The following SLC25A26 variants were observed in gnomAD, a reference collection of about 807,000 sequenced individuals.
The protein encoded by SLC25A26 is solute carrier family 25 member 26.
In SLC25A26, 36 loss-of-function variants were observed where a neutral mutation model predicts 37.8. That is an observed-to-expected ratio of 0.95 (90% CI 0.73 to 1.26). The LOEUF (loss-of-function observed/expected upper bound fraction) is 1.26, where lower values mean the gene tolerates loss of function less well. Among genes scored for constraint, SLC25A26 ranks in the 50% most tolerant of loss-of-function variants. The probability of loss-of-function intolerance (pLI) is 0.00; values close to 1 mark genes in which losing one functional copy is unlikely to be tolerated. For synonymous variants in SLC25A26, 129 were observed against 122.5 expected (o/e 1.05, Z -0.35); for missense variants, 390 against 331.1 (o/e 1.18, Z -1.38).
intron 1 of SLC25A26, among the ~76,000 whole-genome samples, chr3:66,137,217 C>CTTTT (rs528438794): frequency 1.5e-3 from 174 of 118,756 alleles, no homozygotes; most frequent in Non-Finnish European, 1.8e-3. Context: ...GATTTTCTTT[C>CTTTT]TTTTTTTTTT....
chr3:66,169,108 G>A (rs980476379), intron 1 of SLC25A26, among the ~76,000 whole-genome samples: 17 of 152,186 alleles, frequency 1.1e-4, no homozygotes, highest in Non-Finnish European at 1.2e-4. Flanking sequence ...CTGGGTGACA[G>A]AGCAAGACCC....
chr3:66,149,257 T>A (rs2070164991), intron 1 of SLC25A26, among the ~76,000 whole-genome samples: 1 of 151,816 alleles, frequency 6.6e-6, no homozygotes, highest in African/African-American at 2.4e-5. Flanking sequence ...GGAGCTGGAG[T>A]TAGGCAGCTT....
At position 66,363,082 on chromosome 3, in the gene SLC25A26, G is replaced by GA. The variant is rs75455775; in HGVS notation, c.568+168dup. 0.065 allele frequency: 8,336 copies of GA among 127,746 alleles called. 263 individuals are homozygous for GA. Among genetic ancestry groups the GA allele is most frequent in the South Asian group, 0.1 (403 of 4,040 alleles). 7.9% of individuals were successfully genotyped at this position (127,746 alleles called of 1,614,324 possible). A position where few individuals can be genotyped will look rare whatever the true frequency, so the allele number is the denominator to read the frequency against. On this transcript the variant is annotated intron_variant, in intron 7 of 9. Coordinates refer to ENST00000354883, the MANE Select transcript of SLC25A26 (RefSeq NM_001379210.1). ...TGAGAAAAGAACGTGTCTTAGAGGG[G>GA]AAAAAAAAAAAAAAACTGCTAAAAA...
intron 5 of SLC25A26, among the ~76,000 whole-genome samples, chr3:66,294,914 A>G (rs146495393): frequency 6.0e-4 from 91 of 152,338 alleles, no homozygotes; most frequent in African/African-American, 2.1e-3. Context: ...CATTTAAAAG[A>G]TCTCAAATGA....
chr3:66,273,614 CAGAG>C (rs576114328), intron 5 of SLC25A26, among the ~76,000 whole-genome samples: 73 of 151,774 alleles, frequency 4.8e-4, no homozygotes, highest in Non-Finnish European at 9.7e-4. Flanking sequence ...CAATAATAGA[CAGAG>C]AGCCAAATCA....
intron 5 of SLC25A26, among the ~76,000 whole-genome samples, chr3:66,275,128 A>G (rs2074093732): frequency 6.6e-6 from 1 of 151,950 alleles, no homozygotes; most frequent in East Asian, 1.9e-4. Context: ...GGAAATCATC[A>G]TTCTCAGTAA....
intron 7 of SLC25A26, among the ~76,000 whole-genome samples, chr3:66,365,745 A>T (rs923248824): frequency 1.3e-5 from 2 of 152,238 alleles, no homozygotes; most frequent in African/African-American, 4.8e-5. Context: ...AATACAAACA[A>T]AAAACACTTT....
intron 1 of SLC25A26, among the ~76,000 whole-genome samples, chr3:66,147,165 T>G (rs1201730748): frequency 7.2e-6 from 1 of 138,724 alleles, no homozygotes; most frequent in Admixed American, 7.4e-5. Context: ...TCTTTTCTTT[T>G]CTCTTTTCTT....
chr3:66,279,912 C>A (rs2074280528), intron 5 of SLC25A26, among the ~76,000 whole-genome samples: 1 of 152,076 alleles, frequency 6.6e-6, no homozygotes. Context: ...CACTTCGGGA[C>A]AAAATTTATT....
At chr3:66,209,008 G>A (rs1455778882) in intron 1 of SLC25A26, among the ~76,000 whole-genome samples, 1 of 63,260 alleles carries the variant, frequency 1.6e-5, no homozygotes, top group African/African-American at 6.5e-5. Flanking sequence ...CCATATAAAG[G>A]TATATATATA....
intron 1 of SLC25A26, among the ~76,000 whole-genome samples, chr3:66,194,121 A>G: frequency 6.6e-6 from 1 of 152,256 alleles, no homozygotes; most frequent in Non-Finnish European, 1.5e-5. Context: ...CCAGTGACAC[A>G]TCCTGATAAA....
intron 5 of SLC25A26, among the ~76,000 whole-genome samples, chr3:66,288,558 T>C (rs893035943): frequency 6.6e-6 from 1 of 152,158 alleles, no homozygotes. Context: ...CTCCCACTTA[T>C]GAGTGGGAAC....
chr3:66,322,710 C>G (rs2075728772), intron 5 of SLC25A26, among the ~76,000 whole-genome samples: 1 of 152,180 alleles, frequency 6.6e-6, no homozygotes, highest in South Asian at 2.1e-4. Context: ...GTACATATGC[C>G]ATGGCTTCAA....
intron 5 of SLC25A26, among the ~76,000 whole-genome samples, chr3:66,284,197 A>G (rs55666752): frequency 0.05 from 7,632 of 152,022 alleles, 232 homozygotes; most frequent in South Asian, 0.074. Context: ...AAATTTTTAA[A>G]AAATTGCTGC....
chr3:66,222,583 A>C (rs961508529), intron 1 of SLC25A26, among the ~76,000 whole-genome samples: 1 of 152,142 alleles, frequency 6.6e-6, no homozygotes, highest in Non-Finnish European at 1.5e-5. Context: ...AGCTCTTTAC[A>C]TACATTATCC....
At chr3:66,371,205 C>T in intron 9 of SLC25A26, 2 of 1,513,596 alleles carry the variant, frequency 1.3e-6, no homozygotes, top group African/African-American at 1.4e-5. Context: ...CTCTTAGGGA[C>T]CATATACCAG....
intron 1 of SLC25A26, among the ~76,000 whole-genome samples, chr3:66,195,075 T>C (rs1194425279): frequency 6.6e-6 from 1 of 152,240 alleles, no homozygotes; most frequent in Admixed American, 6.5e-5. Flanking sequence ...TCAAGTTTAA[T>C]GCACCCGGAA....
At chr3:66,322,747 CTCAG>C (rs67981422) in intron 5 of SLC25A26, among the ~76,000 whole-genome samples, 6,371 of 152,246 alleles carry the variant, frequency 0.042, 435 homozygotes, top group African/African-American at 0.14. Context: ...TAGCTCAGCA[CTCAG>C]TCAGTGGTAA....
At chr3:66,358,418 A>G (rs2107790599) in intron 6 of SLC25A26, among the ~76,000 whole-genome samples, 3 of 152,346 alleles carry the variant, frequency 2.0e-5, no homozygotes, top group Middle Eastern at 6.8e-3. Flanking sequence ...AAGTTGTTGC[A>G]GACATTGACA....
Sources: gnomAD v4.1 joint callset for allele counts (sites outside exome capture counted in the v4.1 genomes callset) on GRCh38, gnomAD v4.1.1 for gene constraint, MANE v1.5 for transcripts, NCBI Gene and HGNC (gene_info 2026-07-23, HGNC 2026-07-21) for gene names.